Variants in KMT2C observed in about 807,000 individuals in gnomAD.
KMT2C encodes the protein lysine methyltransferase 2C.
Under a neutral mutation model 507.9 loss-of-function variants are expected in KMT2C, and 88 were observed. The ratio of observed to expected loss-of-function variants is 0.17; its 90% confidence interval spans 0.15 to 0.21. KMT2C has a LOEUF of 0.21. Among genes scored for constraint, KMT2C ranks in the 10% least tolerant of loss-of-function variants. KMT2C has a pLI of 1.00. For synonymous variants in KMT2C, 2,049 were observed against 2,080.8 expected, an observed-to-expected ratio of 0.98 and a Z score of 0.42; for missense variants, 4,954 against 5,957.8, an observed-to-expected ratio of 0.83 and a Z score of 5.55.
chr7:152,363,696 T>A (rs2097214371), intron 1 of KMT2C, among the ~76,000 whole-genome samples: 1 of 151,970 alleles, frequency 6.6e-6, no homozygotes, highest in South Asian at 2.1e-4. Flanking sequence ...AAATCATAGG[T>A]TCAGGTGGCT....
At chr7:152,183,272 G>A (rs1263332567) in intron 34 of KMT2C, 116 bp from the exon 35 acceptor site, 3 of 795,064 alleles carry the variant, frequency 3.8e-6, no homozygotes, top group Non-Finnish European at 5.9e-6. Context: ...TAAAATAGCT[G>A]AAATACTTAC....
chr7:152,242,686 G>A lies in KMT2C; in HGVS notation c.2533-3860C>T, dbSNP rs568518098. Among the ~76,000 whole-genome samples the A allele has an allele frequency of 5.9e-5, 9 of 152,316 alleles. No individual in the cohort carries two copies. The South Asian group carries it at 1.7e-3, about 28-fold the overall frequency. ...TACAAGGACTGTGGGATGGGGAAAT[G>A]AGAACAATAATGACACGTGGAGGAT... On this transcript the variant is annotated intron_variant, in intron 14 of 58. Coordinates refer to ENST00000262189, the MANE Select transcript of KMT2C (RefSeq NM_170606.3).
intron 6 of KMT2C, among the ~76,000 whole-genome samples, chr7:152,276,193 T>C (rs906960593): frequency 3.3e-5 from 5 of 152,212 alleles, no homozygotes; most frequent in African/African-American, 9.6e-5. Context: ...AAATAGCTAA[T>C]GAAGAGCACT....
intron 1 of KMT2C, among the ~76,000 whole-genome samples, chr7:152,401,243 C>T (rs1025875479): frequency 7.2e-5 from 11 of 151,878 alleles, no homozygotes; most frequent in East Asian, 3.9e-4. Context: ...TACGCCACCA[C>T]GAATTTTTGT....
chr7:152,375,058 T>C (rs937694091), intron 1 of KMT2C, among the ~76,000 whole-genome samples: 1 of 152,194 alleles, frequency 6.6e-6, no homozygotes, highest in Non-Finnish European at 1.5e-5. Flanking sequence ...GTTTGTTTGT[T>C]TGGGGACACA....
chr7:152,351,000 C>T (rs572219593), intron 2 of KMT2C, among the ~76,000 whole-genome samples: 9 of 152,232 alleles, frequency 5.9e-5, no homozygotes, highest in Admixed American at 1.3e-4. Flanking sequence ...CAGGCCTACA[C>T]GAAGTCGGGA....
chr7:152,370,089 G>A (rs571512826), intron 1 of KMT2C, among the ~76,000 whole-genome samples: 1 of 152,154 alleles, frequency 6.6e-6, no homozygotes, highest in South Asian at 2.1e-4. Flanking sequence ...AGCTACTCAG[G>A]AGGCTGAGGC....
At chr7:152,190,135 C>T (rs1415278320) in intron 31 of KMT2C, among the ~76,000 whole-genome samples, 1 of 152,176 alleles carries the variant, frequency 6.6e-6, no homozygotes, top group Non-Finnish European at 1.5e-5. Flanking sequence ...AACCCACCAA[C>T]CTGGGTTTGT....
At chr7:152,157,170 G>A (rs973392059) in intron 44 of KMT2C, among the ~76,000 whole-genome samples, 2 of 150,944 alleles carry the variant, frequency 1.3e-5, no homozygotes, top group Non-Finnish European at 3.0e-5. Flanking sequence ...CATGCTCACT[G>A]CAGCCTTGAC....
rs2092034317 is a variant in KMT2C, at chr7:152,156,198, A to G, written c.11812+7T>C. ...CGAGGTGTGAAATTTGGAGGCTATA[A>G]TCATACCTTCATGGCTCACTAACAC... On this transcript the variant is annotated splice_region_variant and intron_variant, in intron 45 of 58. Coordinates refer to ENST00000262189, the MANE Select transcript of KMT2C (RefSeq NM_170606.3). 3.1e-6 allele frequency: 5 copies of G among 1,613,984 alleles called. No individual in the cohort carries two copies. Among genetic ancestry groups the G allele is most frequent in the Non-Finnish European group, 4.2e-6 (5 of 1,179,880 alleles).
At chr7:152,169,312 T>C in intron 40 of KMT2C, 63 bp from the exon 41 acceptor site, 1 of 877,316 alleles carries the variant, frequency 1.1e-6, no homozygotes, top group South Asian at 1.5e-5. Flanking sequence ...GGGAAAAAAC[T>C]TTAAAAGAAA....
intron 44 of KMT2C, among the ~76,000 whole-genome samples, chr7:152,158,542 G>T (rs1444181027): frequency 6.7e-6 from 1 of 149,214 alleles, no homozygotes; most frequent in Non-Finnish European, 1.5e-5. Flanking sequence ...TTGAGACACA[G>T]TCTCATTCTG....
chr7:152,298,519 C>T (rs892665892), intron 6 of KMT2C, among the ~76,000 whole-genome samples: 2 of 152,032 alleles, frequency 1.3e-5, no homozygotes, highest in Non-Finnish European at 2.9e-5. Context: ...AGAAAAAAGG[C>T]CAACTAGAAT....
At chr7:152,374,488 C>T (rs1395722905) in intron 1 of KMT2C, among the ~76,000 whole-genome samples, 1 of 151,994 alleles carries the variant, frequency 6.6e-6, no homozygotes, top group Non-Finnish European at 1.5e-5. Flanking sequence ...TTCAACTAAA[C>T]AATTTTAGAA....
rs1381463669 is a variant in KMT2C at position 152,150,997 on chromosome 7, T to C, written c.12677A>G (p.Glu4226Gly). The C allele has an allele frequency of 6.2e-7, 1 of 1,603,152 alleles. No homozygotes were observed. Among genetic ancestry groups the C allele is most frequent in the Non-Finnish European group, 8.5e-7 (1 of 1,172,828 alleles). ...GTCCTTCTCTACCCTCTTGGTGCTT[T>C]CTCGGGAATCCTGAAAAGCAAAGAG... ...DLTLLNKDSR[E>G]STKRVEKDIV... The change falls in exon 51 of 59, where the codon GAA (glutamate) becomes GGA (glycine). Residue 4226 changes from glutamate to glycine, a missense_variant. By Grantham distance (98) the Glu-to-Gly change is moderately conservative (BLOSUM62 -2). Around this residue, in one of 29 missense-constraint regions of KMT2C, gnomAD observed 417 missense variants for 461.1 expected, o/e 0.90. Transcript: ENST00000262189.
intron 1 of KMT2C, among the ~76,000 whole-genome samples, chr7:152,418,836 C>T (rs2097761762): frequency 6.6e-6 from 1 of 151,236 alleles, no homozygotes; most frequent in Non-Finnish European, 1.5e-5. Flanking sequence ...GGTTACAAAA[C>T]TCTAAATGTA....
intron 1 of KMT2C, among the ~76,000 whole-genome samples, chr7:152,391,526 G>C (rs1589684888): frequency 6.8e-6 from 1 of 146,732 alleles, no homozygotes; most frequent in Non-Finnish European, 1.5e-5. Context: ...ACAGACATGA[G>C]CCACTGCATG....
rs73728767 is a variant in KMT2C at position 152,178,016 on chromosome 7, A to T, written c.7443-6T>A. 12,937 of 140,664 alleles carry T rather than the reference A, an allele frequency of 0.092. 432 individuals carry two copies. Among genetic ancestry groups the T allele is most frequent in the East Asian group, 0.22 (1,224 of 5,470 alleles). The allele number at this position is 140,664 out of a possible 1,614,324, so 8.7% of individuals were successfully genotyped here. The stretch of plus-strand genomic sequence containing the variant: ...TACCTCCTGGAAATCCAAATCTTTT[A>T]AAAAAAAAAAAAAAAAAAAAAAAAA... On this transcript the variant is annotated splice_polypyrimidine_tract_variant and splice_region_variant and intron_variant, in intron 37 of 58. Transcript: ENST00000262189.
intron 9 of KMT2C, among the ~76,000 whole-genome samples, chr7:152,256,054 A>T (rs1222111834): frequency 6.6e-6 from 1 of 152,076 alleles, no homozygotes; most frequent in African/African-American, 2.4e-5. Flanking sequence ...CTGTAATCCC[A>T]GCTACTTGGG....
Sources: allele counts gnomAD v4.1 joint callset (sites outside exome capture counted in the v4.1 genomes callset), GRCh38; gene constraint gnomAD v4.1.1; regional missense constraint gnomAD v4.1.1; transcripts MANE v1.5; gene names NCBI Gene and HGNC (gene_info 2026-07-23, HGNC 2026-07-21).